Variants in COL25A1 observed in about 807,000 individuals in gnomAD.
COL25A1 encodes the protein collagen alpha-1(XXV) chain.
In COL25A1, 103 loss-of-function variants were observed where a neutral mutation model predicts 128.4. The observed-to-expected ratio is 0.80, with a 90% confidence interval of 0.68 to 0.94. The LOEUF (loss-of-function observed/expected upper bound fraction) is 0.94. COL25A1 is among the 40% of genes least tolerant of loss of function. The pLI, the probability that COL25A1 is intolerant of heterozygous loss-of-function variation, is 0.00. For synonymous variants in COL25A1, 279 were observed against 277.2 expected, an observed-to-expected ratio of 1.01 and a Z score of -0.06; for missense variants, 745 against 840.0, an observed-to-expected ratio of 0.89 and a Z score of 1.40.
At chr4:108,899,237 A>T (rs1742535845) in intron 14 of COL25A1, 57 bp from the exon 15 acceptor site, 1 of 1,479,440 alleles carries the variant, frequency 6.8e-7, no homozygotes, top group Admixed American at 1.8e-5. Context: ...TAATTTTATT[A>T]TCATTATTAA....
chr4:109,245,157 T>G (rs748780430), intron 3 of COL25A1, among the ~76,000 whole-genome samples: 5 of 152,088 alleles, frequency 3.3e-5, no homozygotes, highest in Non-Finnish European at 7.4e-5. Flanking sequence ...GAGGCCCTAT[T>G]GATAATTATA....
In COL25A1 at chr4:109,160,654, T is replaced by C. The variant is rs528077573; in HGVS notation, c.368-110475A>G. 1.6e-3 allele frequency among the ~76,000 whole-genome samples: 243 copies of C among 152,292 alleles called. 3 individuals carry two copies. The highest frequency in any genetic ancestry group is 7.1e-4 in the Non-Finnish European group (48 of 68,030). ...TGCACTAATTACTACAAGACTGGCCTATTGTTGGTCCTACAAACAGTCAGT... is the reference window on the plus strand; with the variant it reads ...TGCACTAATTACTACAAGACTGGCCCATTGTTGGTCCTACAAACAGTCAGT... On this transcript the variant is annotated intron_variant, in intron 3 of 37. Transcript: ENST00000399132.
intron 3 of COL25A1, among the ~76,000 whole-genome samples, chr4:109,108,001 A>G (rs1579389461): frequency 6.6e-6 from 1 of 152,214 alleles, no homozygotes; most frequent in South Asian, 2.1e-4. Flanking sequence ...AACTTTCTAC[A>G]TACCTTAAAA....
At chr4:109,105,185 T>G (rs1766307766) in intron 3 of COL25A1, among the ~76,000 whole-genome samples, 1 of 152,150 alleles carries the variant, frequency 6.6e-6, no homozygotes, top group South Asian at 2.1e-4. Context: ...AATAAAAAGA[T>G]TCTAGGCTGG....
rs770193662 is a variant in COL25A1 at position 108,855,719 on chromosome 4, A to G, written c.1321-2794T>C. Among the ~76,000 whole-genome samples, 100 of 152,164 alleles carry G rather than the reference A, an allele frequency of 6.6e-4. 1 individual carries two copies. Among genetic ancestry groups the G allele is most frequent in the Non-Finnish European group, 2.8e-4 (19 of 68,014 alleles). The stretch of plus-strand genomic sequence containing the variant: ...GATGGAGTTTAAATGATTTTGTTAA[A>G]TAACTATGTTTGTGAAACTTTAAAA... On this transcript the variant is annotated intron_variant, in intron 24 of 37. Coordinates refer to ENST00000399132, the MANE Select transcript of COL25A1 (RefSeq NM_198721.4).
chr4:108,954,038 C>T (rs1270614100), intron 8 of COL25A1, among the ~76,000 whole-genome samples: 2 of 152,140 alleles, frequency 1.3e-5, no homozygotes, highest in Non-Finnish European at 2.9e-5. Flanking sequence ...TTGTTATACA[C>T]TATCTCTAGC....
chr4:108,876,826 T>A (rs1311338064), intron 19 of COL25A1, among the ~76,000 whole-genome samples: 1 of 152,222 alleles, frequency 6.6e-6, no homozygotes, highest in African/African-American at 2.4e-5. Context: ...CTCCTGGATA[T>A]TGCATCTGAT....
At chr4:109,296,750 C>T (rs1044537568) in intron 3 of COL25A1, among the ~76,000 whole-genome samples, 4 of 152,128 alleles carry the variant, frequency 2.6e-5, no homozygotes, top group African/African-American at 9.6e-5. Context: ...TCGTTCATTA[C>T]ACCACAGAGG....
rs747329080 is a variant in COL25A1 at position 108,852,861 on chromosome 4, T to C, written c.1344+41A>G. ...TTGGCTGGCATGCATCAACACCAAA[T>C]ACAAAACCACAAACCACAGAAAGCA... On this transcript the variant is annotated intron_variant, in intron 25 of 37. Coordinates refer to ENST00000399132, the MANE Select transcript of COL25A1 (RefSeq NM_198721.4). 14 of 1,581,246 alleles carry C rather than the reference T, an allele frequency of 8.9e-6. No individual in the cohort carries two copies. In the Admixed American group the frequency reaches 2.3e-4, roughly 26 times the overall value.
chr4:109,188,358 G>C (rs1320388789), intron 3 of COL25A1, among the ~76,000 whole-genome samples: 1 of 152,156 alleles, frequency 6.6e-6, no homozygotes, highest in African/African-American at 2.4e-5. Flanking sequence ...TGGTGCTCTG[G>C]ATCCTGTAAC....
intron 11 of COL25A1, among the ~76,000 whole-genome samples, chr4:108,931,334 C>T (rs1411025832): frequency 6.6e-6 from 1 of 152,036 alleles, no homozygotes; most frequent in African/African-American, 2.4e-5. Context: ...GCCTAGATAC[C>T]TTAATTTGTC....
chr4:109,130,567 C>T (rs1028157791), intron 3 of COL25A1, among the ~76,000 whole-genome samples: 5 of 151,918 alleles, frequency 3.3e-5, no homozygotes, highest in Non-Finnish European at 5.9e-5. Context: ...AGGAGTGAAG[C>T]AAACTAGAAA....
chr4:108,864,962 A>G (rs1737708063), intron 20 of COL25A1, among the ~76,000 whole-genome samples: 1 of 152,240 alleles, frequency 6.6e-6, no homozygotes, highest in Admixed American at 6.5e-5. Flanking sequence ...CAACTTTTGC[A>G]TAAATGTTTC....
intron 3 of COL25A1, among the ~76,000 whole-genome samples, chr4:109,076,408 A>G (rs1763378254): frequency 6.6e-6 from 1 of 152,182 alleles, no homozygotes. Flanking sequence ...TAATCAATTT[A>G]TCACTTATCG....
At chr4:109,001,852 C>T (rs1459189150) in intron 6 of COL25A1, among the ~76,000 whole-genome samples, 4 of 151,598 alleles carry the variant, frequency 2.6e-5, no homozygotes, top group African/African-American at 9.7e-5. Flanking sequence ...CATTTGAGAA[C>T]TCTGACACTT....
chr4:108,953,921 T>G (rs1749754302), intron 8 of COL25A1, among the ~76,000 whole-genome samples: 1 of 152,164 alleles, frequency 6.6e-6, no homozygotes, highest in South Asian at 2.1e-4. Flanking sequence ...CTGATAGAAC[T>G]TTATTTTGTT....
intron 3 of COL25A1, among the ~76,000 whole-genome samples, chr4:109,147,966 G>A (rs562534903): frequency 1.4e-4 from 22 of 152,276 alleles, no homozygotes; most frequent in African/African-American, 4.3e-4. Flanking sequence ...GGTCAGGATC[G>A]CTGAGCTAAG....
chr4:108,883,815 A>G (rs1274538135), intron 19 of COL25A1, among the ~76,000 whole-genome samples: 1 of 152,210 alleles, frequency 6.6e-6, no homozygotes, highest in Non-Finnish European at 1.5e-5. Context: ...CTTTATGGGG[A>G]TGTTAAGACT....
chr4:108,847,375 C>T (rs1050481545), intron 27 of COL25A1, among the ~76,000 whole-genome samples: 6 of 151,838 alleles, frequency 4.0e-5, no homozygotes, highest in African/African-American at 7.3e-5. Flanking sequence ...TTATTAAAAC[C>T]GATGGAGAAA....
Sources: gnomAD v4.1 joint callset for allele counts (sites outside exome capture counted in the v4.1 genomes callset) on GRCh38, gnomAD v4.1.1 for gene constraint, MANE v1.5 for transcripts, NCBI Gene and HGNC (gene_info 2026-07-23, HGNC 2026-07-21) for gene names.